Variants in STAG1 observed in about 807,000 individuals in gnomAD.
The protein encoded by STAG1 is STAG1 cohesin complex component, also known as cohesin subunit SA-1.
Under a neutral mutation model 170.9 loss-of-function variants are expected in STAG1, and 26 were observed. The observed-to-expected ratio is 0.15, with a 90% CI of 0.11 to 0.21. STAG1 has a LOEUF of 0.21. Ranked by LOEUF, STAG1 falls within the 10% of genes least tolerant of loss-of-function variation. The pLI is 1.00. For missense variants in STAG1, 964 were observed against 1,509.5 expected (o/e 0.64, Z 5.99); for synonymous variants, 514 against 497.7 (o/e 1.03, Z -0.44).
chr3:136,589,761 T>C (rs1938058620), intron 4 of STAG1, among the ~76,000 whole-genome samples: 1 of 151,110 alleles, frequency 6.6e-6, no homozygotes, highest in Non-Finnish European at 1.5e-5. Context: ...TGAAACGCTG[T>C]CTCTACTAAA....
At chr3:136,462,897 A>T (rs1452440172) in intron 13 of STAG1, among the ~76,000 whole-genome samples, 3 of 152,194 alleles carry the variant, frequency 2.0e-5, no homozygotes, top group Non-Finnish European at 1.5e-5. Flanking sequence ...CTAACTCAAG[A>T]GTTACCAGTT....
intron 22 of STAG1, among the ~76,000 whole-genome samples, chr3:136,398,261 G>C (rs2087224845): frequency 6.6e-6 from 1 of 152,136 alleles, no homozygotes; most frequent in Non-Finnish European, 1.5e-5. Context: ...GGGACTACAG[G>C]TGTGCATCAC....
intron 4 of STAG1, among the ~76,000 whole-genome samples, chr3:136,589,500 T>A (rs1415453701): frequency 6.7e-6 from 1 of 149,608 alleles, no homozygotes; most frequent in Non-Finnish European, 1.5e-5. Context: ...CGAGACTCTG[T>A]CTCAAAAAAC....
chr3:136,723,123 G>T (rs1933403306), intron 1 of STAG1, among the ~76,000 whole-genome samples: 1 of 152,222 alleles, frequency 6.6e-6, no homozygotes, highest in South Asian at 2.1e-4. Flanking sequence ...CGCCGTCTGG[G>T]AAGTGAGGAG....
chr3:136,531,165 A>T (rs2107928195), intron 6 of STAG1, among the ~76,000 whole-genome samples: 1 of 151,922 alleles, frequency 6.6e-6, no homozygotes, highest in East Asian at 1.9e-4. Context: ...AAAAATGCTC[A>T]TCATCACTGG....
At chr3:136,716,459 T>A (rs1015290308) in intron 1 of STAG1, among the ~76,000 whole-genome samples, 5 of 151,324 alleles carry the variant, frequency 3.3e-5, no homozygotes, top group African/African-American at 1.2e-4. Flanking sequence ...CAAAACTCCA[T>A]CTCAAAAAAG....
intron 1 of STAG1, chr3:136,737,144 C>T (rs1222679896): frequency 1.3e-6 from 1 of 792,328 alleles, no homozygotes; most frequent in Admixed American, 1.7e-5. Context: ...CCAAGTCTCT[C>T]TTCTCTATTT....
At chr3:136,708,046 T>C (rs1010175470) in intron 1 of STAG1, among the ~76,000 whole-genome samples, 15 of 152,168 alleles carry the variant, frequency 9.9e-5, no homozygotes, top group Admixed American at 3.3e-4. Context: ...ACATTGCTAG[T>C]AGAAATGTAA....
At chr3:136,340,999 C>T (rs919396856) in intron 31 of STAG1, among the ~76,000 whole-genome samples, 1 of 152,152 alleles carries the variant, frequency 6.6e-6, no homozygotes, top group Non-Finnish European at 1.5e-5. Context: ...ACCTCCGCCT[C>T]CTGGATTTAA....
chr3:136,672,309 A>G (rs1359587411), intron 1 of STAG1, among the ~76,000 whole-genome samples: 1 of 152,274 alleles, frequency 6.6e-6, no homozygotes, highest in Non-Finnish European at 1.5e-5. Flanking sequence ...GTGCACACAG[A>G]TGTGTGTTTC....
intron 1 of STAG1, among the ~76,000 whole-genome samples, chr3:136,729,981 CA>C (rs1398057814): frequency 6.8e-6 from 1 of 146,842 alleles, no homozygotes; most frequent in Admixed American, 7.0e-5. Context: ...CTCCGCCTCC[CA>C]GGTTCAAGCA....
At chr3:136,669,117 A>G (rs1166904548) in intron 1 of STAG1, among the ~76,000 whole-genome samples, 1 of 152,198 alleles carries the variant, frequency 6.6e-6, no homozygotes, top group Non-Finnish European at 1.5e-5. Flanking sequence ...GATCTGTTTG[A>G]ACAAAAAGTT....
At chr3:136,749,917 AAAAGAAAG>A (rs200664882) in intron 1 of STAG1, among the ~76,000 whole-genome samples, 1 of 151,204 alleles carries the variant, frequency 6.6e-6, no homozygotes, top group Non-Finnish European at 1.5e-5. Flanking sequence ...ATTAAAAAAA[AAAAGAAAG>A]AAACTAATAT....
At chr3:136,377,580 C>T in intron 23 of STAG1, 80 bp downstream of exon 23, 1 of 1,150,262 alleles carries the variant, frequency 8.7e-7, no homozygotes, top group Non-Finnish European at 1.3e-6. Flanking sequence ...CAAAAACTGC[C>T]ATAAAAAATT....
At chr3:136,352,112 T>C (rs759456622) in intron 28 of STAG1, among the ~76,000 whole-genome samples, 1 of 150,918 alleles carries the variant, frequency 6.6e-6, no homozygotes, top group Non-Finnish European at 1.5e-5. Flanking sequence ...TAGTAAAGAG[T>C]AGCTATATTA....
In STAG1 at chr3:136,477,461, A is replaced by G. The variant is rs199814197; in HGVS notation, c.903-49T>C. 16 of 1,502,174 alleles carry G rather than the reference A, an allele frequency of 1.1e-5. No individual in the cohort carries two copies. In the African/African-American group the frequency reaches 2.2e-4, roughly 21 times the overall value. 93.1% of individuals were successfully genotyped at this position (1,502,174 alleles called of 1,614,324 possible). On this transcript the variant is annotated intron_variant, in intron 9 of 33. Coordinates refer to ENST00000383202, the MANE Select transcript of STAG1 (RefSeq NM_005862.3). ...TCTCAAATTAATATACAAAGCTAGAATGCATTCATACTCGCTTTCCATAAG... is the reference window on the plus strand; with the variant it reads ...TCTCAAATTAATATACAAAGCTAGAGTGCATTCATACTCGCTTTCCATAAG...
chr3:136,591,728 G>T (rs1014938991), intron 4 of STAG1, among the ~76,000 whole-genome samples: 5 of 152,080 alleles, frequency 3.3e-5, no homozygotes, highest in Admixed American at 6.6e-5. Context: ...CTTTCCATTT[G>T]GAACCAGAGA....
intron 1 of STAG1, among the ~76,000 whole-genome samples, chr3:136,713,412 G>C (rs1045180623): frequency 6.6e-6 from 1 of 151,642 alleles, no homozygotes; most frequent in African/African-American, 2.4e-5. Context: ...GTAAAATCCC[G>C]ACTCTACTAA....
chr3:136,722,682 C>G (rs1933360477), intron 1 of STAG1, among the ~76,000 whole-genome samples: 1 of 150,258 alleles, frequency 6.7e-6, no homozygotes, highest in Admixed American at 6.6e-5. Flanking sequence ...CCTCTCCCCC[C>G]TTTCCCTCTC....
Sources: gnomAD v4.1 joint callset for allele counts (sites outside exome capture counted in the v4.1 genomes callset) on GRCh38, gnomAD v4.1.1 for gene constraint, MANE v1.5 for transcripts, NCBI Gene and HGNC (gene_info 2026-07-23, HGNC 2026-07-21) for gene names.